Variants in ABCB4 observed in about 807,000 individuals in gnomAD.
The protein encoded by ABCB4 is phosphatidylcholine translocator ABCB4.
In ABCB4, 76 loss-of-function variants were observed where a neutral mutation model predicts 145.7. The observed-to-expected ratio is 0.52, with a 90% CI of 0.43 to 0.63. The LOEUF is 0.63. ABCB4 is among the 30% of genes least tolerant of loss of function. ABCB4 has a pLI of 0.00. For synonymous variants in ABCB4, 517 were observed against 566.8 expected (o/e 0.91, Z 1.25); for missense variants, 1,234 against 1,553.1 (o/e 0.79, Z 3.45).
chr7:87,373,443 C>CT, the ABCB4 span, among the ~76,000 whole-genome samples: 448 of 151,988 alleles, frequency 2.9e-3, 2 homozygotes, highest in African/African-American at 0.01. Flanking sequence ...AATTTTATCT[C>CT]TTTTTTTGTT....
chr7:87,378,696 G>A, the ABCB4 span, among the ~76,000 whole-genome samples: 1 of 152,172 alleles, frequency 6.6e-6, no homozygotes, highest in South Asian at 2.1e-4. Context: ...CTCATCAGTT[G>A]TGATTGGCCT....
downstream of ABCB4, among the ~76,000 whole-genome samples, chr7:87,401,247 G>A (rs879314859): frequency 1.3e-5 from 2 of 152,168 alleles, no homozygotes; most frequent in Admixed American, 6.5e-5. Flanking sequence ...CTGATAGAGC[G>A]CTAAGAACTA....
the ABCB4 span, chr7:87,377,284 A>G: frequency 1.0e-6 from 1 of 956,592 alleles, no homozygotes; most frequent in Non-Finnish European, 1.6e-6. Context: ...ATATGTGTTT[A>G]AGATGTAAAT....
the ABCB4 span, chr7:87,375,774 T>C: frequency 2.8e-5 from 45 of 1,612,232 alleles, no homozygotes; most frequent in Non-Finnish European, 3.6e-5. Flanking sequence ...ACAAACTCTT[T>C]TGATGTATTG....
chr7:87,450,965 A>G (rs1234615765), intron 7 of ABCB4, among the ~76,000 whole-genome samples: 1 of 152,196 alleles, frequency 6.6e-6, no homozygotes, highest in Non-Finnish European at 1.5e-5. Flanking sequence ...TGTGTATTTT[A>G]TTGCCAGGCA....
At chr7:87,423,562 G>C in intron 17 of ABCB4, 1 of 361,774 alleles carries the variant, frequency 2.8e-6, no homozygotes, top group South Asian at 2.3e-5. Context: ...ACCCCTCCCT[G>C]CTCCACTCTC....
At chr7:87,366,331 G>T in the ABCB4 span, among the ~76,000 whole-genome samples, 9,064 of 150,096 alleles carry the variant, frequency 0.06, 942 homozygotes, top group African/African-American at 0.21. Flanking sequence ...TTTTCCCTTC[G>T]TCCTTAACAA....
intron 4 of ABCB4, among the ~76,000 whole-genome samples, chr7:87,455,507 G>A (rs1683807917): frequency 6.6e-6 from 1 of 152,206 alleles, no homozygotes; most frequent in South Asian, 2.1e-4. Context: ...CTTACTCAAT[G>A]TCATACAGCT....
At chr7:87,378,852 G>T in the ABCB4 span, among the ~76,000 whole-genome samples, 1 of 152,170 alleles carries the variant, frequency 6.6e-6, no homozygotes, top group Non-Finnish European at 1.5e-5. Flanking sequence ...GAACAGTAAA[G>T]TAGCTGTTAT....
At position 87,401,949 on chromosome 7, in the gene ABCB4, T is replaced by C. The variant is rs1807812066; in HGVS notation, c.*147A>G. On this transcript the variant is annotated 3_prime_UTR_variant, in exon 28 of 28. Coordinates refer to ENST00000649586, the MANE Select transcript of ABCB4 (RefSeq NM_000443.4). The stretch of plus-strand genomic sequence containing the variant: ...AACTCTCAAATTTCAAATGCCGTAA[T>C]AAACCCCAAATTGGGTCTTCTAAAT... 2 of 1,131,624 alleles carry C rather than the reference T, an allele frequency of 1.8e-6. No homozygotes were observed. The highest frequency in any genetic ancestry group is 2.7e-5 in the South Asian group (2 of 75,304). The allele number at this position is 1,131,624 out of a possible 1,614,324, so 70.1% of individuals were successfully genotyped here.
intron 26 of ABCB4, among the ~76,000 whole-genome samples, chr7:87,403,980 A>G (rs1321212138): frequency 2.0e-5 from 3 of 152,198 alleles, no homozygotes; most frequent in Non-Finnish European, 4.4e-5. Context: ...ATGAATAGAG[A>G]TGTAAATTGA....
At chr7:87,412,763 A>G (rs1294416422) in intron 22 of ABCB4, among the ~76,000 whole-genome samples, 2 of 152,228 alleles carry the variant, frequency 1.3e-5, no homozygotes, top group East Asian at 1.9e-4. Context: ...CTGTGAAGCT[A>G]TTGAATCTTT....
chr7:87,377,361 A>G, the ABCB4 span: 2 of 1,600,496 alleles, frequency 1.2e-6, no homozygotes, highest in Non-Finnish European at 1.7e-6. Flanking sequence ...TATTGCAGCC[A>G]TCCTTATTGG....
intron 19 of ABCB4, 146 bp downstream of exon 19, chr7:87,419,852 A>C: frequency 1.2e-6 from 1 of 864,020 alleles, no homozygotes; most frequent in Non-Finnish European, 2.0e-6. Context: ...TTGAAGGACC[A>C]GGACAATTTG....
chr7:87,415,974 G>A (rs1808944977), intron 21 of ABCB4, among the ~76,000 whole-genome samples: 1 of 152,190 alleles, frequency 6.6e-6, no homozygotes, highest in South Asian at 2.1e-4. Context: ...TCAGCAGTTA[G>A]TTGAGACACT....
intron 21 of ABCB4, 112 bp downstream of exon 21, chr7:87,417,200 T>C (rs886300432): frequency 5.3e-6 from 5 of 952,144 alleles, no homozygotes; most frequent in Non-Finnish European, 8.3e-6. Context: ...TTATTAGTTG[T>C]AGTGGGCACA....
the ABCB4 span, chr7:87,382,657 T>G: frequency 5.3e-5 from 51 of 968,394 alleles, no homozygotes; most frequent in Non-Finnish European, 7.3e-5. Context: ...TCCCAGCTGG[T>G]ACTGTGTCCT....
chr7:87,373,588 T>C, the ABCB4 span, among the ~76,000 whole-genome samples: 1 of 152,092 alleles, frequency 6.6e-6, no homozygotes, highest in Admixed American at 6.5e-5. Context: ...TAAATATACA[T>C]TTAGTTGGAA....
At chr7:87,426,638 G>T in intron 16 of ABCB4, 112 bp downstream of exon 16, 1 of 1,066,614 alleles carries the variant, frequency 9.4e-7, no homozygotes. Flanking sequence ...CAAAGAGTAT[G>T]GCTCATAGTA....
Sources: allele counts gnomAD v4.1 joint callset (sites outside exome capture counted in the v4.1 genomes callset), GRCh38; gene constraint gnomAD v4.1.1; transcripts MANE v1.5; gene names NCBI Gene and HGNC (gene_info 2026-07-23, HGNC 2026-07-21).